The following RSBN1 variants were observed in gnomAD, a reference collection of about 807,000 sequenced individuals.
RSBN1 encodes lysine-specific demethylase 9.
RSBN1 carries 23 observed loss-of-function variants against 74.8 expected under a neutral mutation model. That is an observed-to-expected ratio of 0.31 (90% confidence interval 0.22 to 0.44). The LOEUF is 0.44. Among genes scored for constraint, RSBN1 ranks in the 20% least tolerant of loss-of-function variants. The pLI is 1.00. For synonymous variants in RSBN1, 407 were observed against 379.6 expected (o/e 1.07, Z -0.84); for missense variants, 808 against 1,020.9 (o/e 0.79, Z 2.84).
At chr1:113,784,553 G>A (rs569667119) in intron 2 of RSBN1, among the ~76,000 whole-genome samples, 3 of 152,254 alleles carry the variant, frequency 2.0e-5, no homozygotes, top group South Asian at 2.1e-4. Context: ...AGATCATCAG[G>A]CATTAGTCAT....
At chr1:113,799,580 ACACACACACACACAC>A (rs1299896752) in intron 1 of RSBN1, among the ~76,000 whole-genome samples, 1 of 68,642 alleles carries the variant, frequency 1.5e-5, no homozygotes, top group African/African-American at 1.5e-4. Flanking sequence ...ACACACACAC[ACACACACACACACAC>A]ACACACACAC....
intron 2 of RSBN1, among the ~76,000 whole-genome samples, chr1:113,796,968 C>A (rs1660484446): frequency 6.6e-6 from 1 of 152,186 alleles, no homozygotes; most frequent in Non-Finnish European, 1.5e-5. Flanking sequence ...ACTCCAAAAA[C>A]CTGGCATATA....
chr1:113,803,503 C>T (rs1391012591), intron 1 of RSBN1, among the ~76,000 whole-genome samples: 2 of 152,190 alleles, frequency 1.3e-5, no homozygotes, highest in African/African-American at 4.8e-5. Flanking sequence ...TAATTCTTTG[C>T]ACTGCTTCTC....
chr1:113,780,437 G>A (rs1390517180), intron 2 of RSBN1, among the ~76,000 whole-genome samples: 1 of 152,200 alleles, frequency 6.6e-6, no homozygotes, highest in African/African-American at 2.4e-5. Context: ...TGAACTTGAA[G>A]ACAACTTAGA....
chr1:113,776,112 T>C (rs1035568822), intron 4 of RSBN1, among the ~76,000 whole-genome samples: 2 of 152,194 alleles, frequency 1.3e-5, no homozygotes, highest in African/African-American at 2.4e-5. Context: ...CTTCAAAGTC[T>C]GAAACACAAA....
chr1:113,812,334 C>A lies in RSBN1; in HGVS notation c.79G>T (p.Ala27Ser), dbSNP rs774449517. The change falls in exon 1 of 7, where the codon GCG (alanine) becomes TCG (serine). Residue 27 changes from alanine to serine, a missense_variant. This residue lies in a region of RSBN1 where 464 missense variants were observed against 401.0 expected (regional missense o/e 1.16). Transcript: ENST00000261441. ...CCGTCCGCGCATCGCGCAAGCGCCG[C>A]CCGCGCACTGCCCGCTGGGCATTGG... ...RLQCPAGSAR[A>S]ALARCADGGA... is the part of the protein sequence containing the mutation. 2 of 1,603,806 alleles carry A rather than the reference C, an allele frequency of 1.2e-6. No homozygotes were observed. Among genetic ancestry groups the A allele is most frequent in the Non-Finnish European group, 8.5e-7 (1 of 1,179,638 alleles).
At chr1:113,778,440 G>C (rs1434004781) in intron 2 of RSBN1, among the ~76,000 whole-genome samples, 1 of 152,044 alleles carries the variant, frequency 6.6e-6, no homozygotes, top group Non-Finnish European at 1.5e-5. Context: ...TGGAATTACA[G>C]GTGTGCGCCA....
Position 113,762,879 on chromosome 1 carries a change from T to C in RSBN1, c.*3101A>G, listed in dbSNP as rs919245307. The C allele has an allele frequency of 1.3e-5, 2 of 152,754 alleles. No individual in the cohort carries two copies. Among genetic ancestry groups the C allele is most frequent in the African/African-American group, 4.8e-5 (2 of 41,442 alleles). The allele number at this position is 152,754 out of a possible 1,614,324, so 9.5% of individuals were successfully genotyped here. A position where few individuals can be genotyped will look rare whatever the true frequency, so the allele number is the denominator to read the frequency against. On this transcript the variant is annotated 3_prime_UTR_variant, in exon 7 of 7. Coordinates refer to ENST00000261441, the MANE Select transcript of RSBN1 (RefSeq NM_018364.5). Reference sequence around the variant, plus strand: ...TTCCCCCTACAAGAGCTTGTAATATTAGTCAACTGGTATTCCAACTGTCTC... The same window carrying C: ...TTCCCCCTACAAGAGCTTGTAATATCAGTCAACTGGTATTCCAACTGTCTC...
In RSBN1 at chr1:113,777,561, A is replaced by C. The variant is rs76596664; in HGVS notation, c.1515+110T>G. On this transcript the variant is annotated intron_variant, in intron 3 of 6. Coordinates refer to ENST00000261441, the MANE Select transcript of RSBN1 (RefSeq NM_018364.5). ...TTCTATCTAAACATTTCTGTGCAAA[A>C]CACTGGATAAATTTAATTTCAATAG... is the stretch of plus-strand genomic sequence containing the variant. The C allele has an allele frequency of 1.2e-3, 1,389 of 1,115,294 alleles. 24 individuals carry two copies. The East Asian group carries it at 0.027, about 22-fold the overall frequency. 69.1% of individuals were successfully genotyped at this position (1,115,294 alleles called of 1,614,324 possible). A position where few individuals can be genotyped will look rare whatever the true frequency, so the allele number is the denominator to read the frequency against.
chr1:113,812,076 G>T lies in RSBN1; in HGVS notation c.337C>A (p.His113Asn), dbSNP rs772903775. 11 of 1,574,638 alleles carry T rather than the reference G, an allele frequency of 7.0e-6. No homozygotes were observed. The South Asian group carries it at 1.3e-4, about 18-fold the overall frequency. ...PSQEPPLAPP[H>N]RRRRSRQHPG... Reference sequence around the variant, plus strand: ...TGTTGGCGGCTGCGACGCCGCCGGTGAGGGGGAGCGAGAGGGGGCTCCTGG... The same window carrying T: ...TGTTGGCGGCTGCGACGCCGCCGGTTAGGGGGAGCGAGAGGGGGCTCCTGG... Residue 113 changes from histidine (H) to asparagine (N), a missense_variant, in exon 1 of 7, where the codon CAC becomes AAC. Around this residue, in one of 6 missense-constraint regions of RSBN1, gnomAD observed 464 missense variants for 401.0 expected, o/e 1.16. Transcript: ENST00000261441.
intron 4 of RSBN1, among the ~76,000 whole-genome samples, chr1:113,771,947 T>G (rs1412427691): frequency 6.6e-6 from 1 of 151,812 alleles, no homozygotes; most frequent in Non-Finnish European, 1.5e-5. Flanking sequence ...GAAGTTATGG[T>G]ACCAAATATA....
At chr1:113,811,444 T>G (rs1454503792) in intron 1 of RSBN1, among the ~76,000 whole-genome samples, 1 of 152,152 alleles carries the variant, frequency 6.6e-6, no homozygotes, top group Non-Finnish European at 1.5e-5. Context: ...CGCGGAAACC[T>G]TGCAGAATTT....
chr1:113,801,274 C>T (rs192386124), intron 1 of RSBN1, among the ~76,000 whole-genome samples: 5 of 152,286 alleles, frequency 3.3e-5, no homozygotes, highest in African/African-American at 7.2e-5. Context: ...TGAGCCACGA[C>T]GCCCGGCCTC....
intron 1 of RSBN1, 44 bp downstream of exon 1, chr1:113,811,666 G>T: frequency 6.5e-7 from 1 of 1,531,080 alleles, no homozygotes; most frequent in South Asian, 1.3e-5. Flanking sequence ...TATCGGAACT[G>T]AGAGAGACCT....
rs887574251 is a variant in RSBN1, at chr1:113,811,058, ATTCCCACTT to A, written c.703+643_703+651del. 1.2e-4 allele frequency among the ~76,000 whole-genome samples: 18 copies of A among 152,218 alleles called. 1 individual carries two copies. Among genetic ancestry groups the A allele is most frequent in the Non-Finnish European group, 4.4e-5 (3 of 68,038 alleles). On this transcript the variant is annotated intron_variant, in intron 1 of 6. Transcript: ENST00000261441. Reference sequence around the variant, plus strand: ...CCGGCCTCTACTATCTACTGCACAAATTCCCACTTTTCAGAGGCACTGTTGGTCCTATTT... The same window carrying A: ...CCGGCCTCTACTATCTACTGCACAAATTCAGAGGCACTGTTGGTCCTATTT...
intron 4 of RSBN1, among the ~76,000 whole-genome samples, chr1:113,769,276 C>T (rs1659843011): frequency 6.6e-6 from 1 of 152,222 alleles, no homozygotes; most frequent in Non-Finnish European, 1.5e-5. Flanking sequence ...ATTAAACTTT[C>T]TCTGTTGCAG....
intron 2 of RSBN1, among the ~76,000 whole-genome samples, chr1:113,796,776 G>A (rs565253147): frequency 2.6e-5 from 4 of 152,320 alleles, no homozygotes; most frequent in South Asian, 2.1e-4. Flanking sequence ...AGAAGCAGAC[G>A]TTTCCCTGCT....
At chr1:113,777,037 T>C (rs1038565553) in intron 4 of RSBN1, among the ~76,000 whole-genome samples, 173 bp downstream of exon 4, 1 of 152,106 alleles carries the variant, frequency 6.6e-6, no homozygotes, top group Non-Finnish European at 1.5e-5. Flanking sequence ...ATTTGTGTTT[T>C]AGAAAAATGC....
At chr1:113,811,351 C>G (rs1008196394) in intron 1 of RSBN1, among the ~76,000 whole-genome samples, 3 of 152,152 alleles carry the variant, frequency 2.0e-5, no homozygotes, top group Non-Finnish European at 4.4e-5. Flanking sequence ...CTCCAGCAAG[C>G]AAAACAAGGA....
Sources: allele counts gnomAD v4.1 joint callset (sites outside exome capture counted in the v4.1 genomes callset), GRCh38; gene constraint gnomAD v4.1.1; regional missense constraint gnomAD v4.1.1; transcripts MANE v1.5; gene names NCBI Gene and HGNC (gene_info 2026-07-23, HGNC 2026-07-21).